TJP1: variants seen among roughly 807,000 people sequenced by gnomAD.
TJP1 encodes tight junction protein ZO-1.
In TJP1, 43 loss-of-function variants were observed where a neutral mutation model predicts 194.2. The ratio of observed to expected loss-of-function variants is 0.22; its 90% CI spans 0.17 to 0.29. The LOEUF is 0.29. Among genes scored for constraint, TJP1 ranks in the 10% least tolerant of loss-of-function variants. TJP1 has a pLI of 1.00. For synonymous variants in TJP1, 801 were observed against 779.0 expected, an observed-to-expected ratio of 1.03 and a Z score of -0.47; for missense variants, 1,971 against 2,185.7, an observed-to-expected ratio of 0.90 and a Z score of 1.96.
chr15:29,908,048 C>CAAAAAAAAAAAAAAAAAAAA lies in TJP1; in HGVS notation c.306+48164_306+48183dup, dbSNP rs1156724424. On this transcript the variant is annotated intron_variant, in intron 2 of 28. Transcript: ENST00000356107. ...AAAGTTGAGAAATTACCTTATAAAG[C>CAAAAAAAAAAAAAAAAAAAA]AAAAAAAAAAAAAAAAAAAAAAAAA... Among the ~76,000 whole-genome samples the CAAAAAAAAAAAAAAAAAAAA allele has an allele frequency of 1.4e-3, 28 of 19,528 alleles. 5 individuals are homozygous for CAAAAAAAAAAAAAAAAAAAA. The highest frequency in any genetic ancestry group is 5.8e-3 in the East Asian group (2 of 344). The allele number at this position is 19,528 out of a possible 152,430, so 12.8% of individuals were successfully genotyped here.
chr15:29,929,084 C>T lies in TJP1; in HGVS notation c.306+27148G>A, dbSNP rs191910738. 7.6e-4 allele frequency among the ~76,000 whole-genome samples: 116 copies of T among 152,164 alleles called. 1 individual carries two copies. Among genetic ancestry groups the T allele is most frequent in the Admixed American group, 7.5e-3 (114 of 15,286 alleles). On this transcript the variant is annotated intron_variant, in intron 2 of 28. Coordinates refer to the TJP1 transcript ENST00000356107. ...AGAGAACCCATTATTTTCAACTCCA[C>T]AGTCATTAAAGAAAAAGAAAAAATG...
intron 2 of TJP1, among the ~76,000 whole-genome samples, chr15:29,776,378 G>GT (rs2047013849): frequency 6.6e-6 from 1 of 152,164 alleles, no homozygotes; most frequent in African/African-American, 2.4e-5. Context: ...AACAAACCCT[G>GT]TAAGTATGTT....
chr15:29,818,681 T>C (rs1272164624), intron 1 of TJP1, among the ~76,000 whole-genome samples: 1 of 148,428 alleles, frequency 6.7e-6, no homozygotes, highest in Admixed American at 6.7e-5. Flanking sequence ...TTTTTTTTTT[T>C]TTTTTTTTGT....
At chr15:29,893,901 C>G (rs1409953664) in intron 2 of TJP1, among the ~76,000 whole-genome samples, 1 of 152,134 alleles carries the variant, frequency 6.6e-6, no homozygotes, top group Non-Finnish European at 1.5e-5. Context: ...ACTTGTTCCC[C>G]TGTGAAATAA....
chr15:29,947,268 T>C (rs1446057636), intron 2 of TJP1, among the ~76,000 whole-genome samples: 3 of 152,218 alleles, frequency 2.0e-5, no homozygotes, highest in Non-Finnish European at 4.4e-5. Flanking sequence ...TACTGGTCCA[T>C]GGCAAACCGA....
chr15:29,790,352 C>T (rs1216353515), intron 2 of TJP1, among the ~76,000 whole-genome samples: 1 of 152,086 alleles, frequency 6.6e-6, no homozygotes, highest in Admixed American at 6.5e-5. Flanking sequence ...AACTCAGCTC[C>T]CACTGGCAAG....
chr15:29,747,305 C>A (rs1178480706), intron 8 of TJP1, among the ~76,000 whole-genome samples: 1 of 151,956 alleles, frequency 6.6e-6, no homozygotes, highest in African/African-American at 2.4e-5. Flanking sequence ...TAAATAAATA[C>A]AATAAATTGT....
At chr15:29,961,334 C>CCTT (rs1341526883) in intron 1 of TJP1, among the ~76,000 whole-genome samples, 51 of 89,826 alleles carry the variant, frequency 5.7e-4, no homozygotes, top group African/African-American at 1.2e-3. Context: ...TTTCCTAATT[C>CCTT]TTTTTTTTTT....
chr15:29,737,816 T>C (rs909891496), intron 10 of TJP1, among the ~76,000 whole-genome samples: 15 of 152,140 alleles, frequency 9.9e-5, no homozygotes, highest in African/African-American at 1.7e-4. Flanking sequence ...AAGGTAGAAA[T>C]TGAAGTATAA....
intron 10 of TJP1, among the ~76,000 whole-genome samples, chr15:29,739,893 G>A (rs1298115441): frequency 6.6e-6 from 1 of 152,148 alleles, no homozygotes; most frequent in African/African-American, 2.4e-5. Context: ...TATTAAAATT[G>A]TACAGTTTTA....
At chr15:29,729,585 C>A (rs968393746) in intron 15 of TJP1, 1 of 151,930 alleles carries the variant, frequency 6.6e-6, no homozygotes, top group Non-Finnish European at 1.5e-5. Context: ...TTTGGGAGGC[C>A]GAGGTGGGCA....
At chr15:29,771,429 T>C (rs1223347475) in intron 4 of TJP1, among the ~76,000 whole-genome samples, 1 of 152,174 alleles carries the variant, frequency 6.6e-6, no homozygotes, top group Non-Finnish European at 1.5e-5. Context: ...CTGTCAGATA[T>C]GTGGTCTGTT....
intron 1 of TJP1, among the ~76,000 whole-genome samples, chr15:29,814,549 A>G (rs1454368374): frequency 1.3e-5 from 2 of 152,228 alleles, no homozygotes; most frequent in African/African-American, 4.8e-5. Context: ...AATCTCCAAG[A>G]TAATGACAAT....
intron 2 of TJP1, among the ~76,000 whole-genome samples, chr15:29,872,831 C>G (rs376881079): frequency 2.0e-5 from 3 of 152,202 alleles, no homozygotes; most frequent in African/African-American, 7.2e-5. Context: ...TCGTGCGGCA[C>G]GTCCACTCTG....
At chr15:29,945,793 A>G (rs2055258005) in intron 2 of TJP1, among the ~76,000 whole-genome samples, 1 of 97,214 alleles carries the variant, frequency 1.0e-5, no homozygotes, top group African/African-American at 3.1e-5. Flanking sequence ...ACACACACAC[A>G]CACACACGCA....
At chr15:29,701,731 A>C in intron 27 of TJP1, 42 bp from the exon 28 acceptor site, 1 of 1,458,232 alleles carries the variant, frequency 6.9e-7, no homozygotes, top group Non-Finnish European at 9.6e-7. Flanking sequence ...AGTTCAGTAA[A>C]CTGCTATCCG....
chr15:29,938,556 A>G (rs539744963), intron 2 of TJP1, among the ~76,000 whole-genome samples: 38 of 152,336 alleles, frequency 2.5e-4, no homozygotes, highest in African/African-American at 8.9e-4. Context: ...GGAAGTCCTT[A>G]TAAAACAGAG....
intron 5 of TJP1, among the ~76,000 whole-genome samples, chr15:29,763,925 A>G (rs1438045852): frequency 6.6e-6 from 1 of 152,218 alleles, no homozygotes; most frequent in Non-Finnish European, 1.5e-5. Context: ...ATTACATCAC[A>G]GAAGGATAGG....
At chr15:29,923,608 AAAT>A (rs1212874604) in intron 2 of TJP1, among the ~76,000 whole-genome samples, 1 of 152,218 alleles carries the variant, frequency 6.6e-6, no homozygotes, top group African/African-American at 2.4e-5. Context: ...CCAAATAGGA[AAAT>A]CTATAAAGAC....
Sources: allele counts gnomAD v4.1 joint callset (sites outside exome capture counted in the v4.1 genomes callset), GRCh38; gene constraint gnomAD v4.1.1; transcripts MANE v1.5; gene names NCBI Gene and HGNC (gene_info 2026-07-23, HGNC 2026-07-21).